RIF1: variants seen among roughly 807,000 people sequenced by gnomAD.
The protein encoded by RIF1 is replication timing regulatory factor 1, also known as telomere-associated protein RIF1.
A neutral mutation model predicts 247.1 loss-of-function variants in RIF1; 45 were observed. That is an observed-to-expected ratio of 0.18 (90% CI 0.14 to 0.23). The LOEUF (loss-of-function observed/expected upper bound fraction) is 0.23. Among genes scored for constraint, RIF1 ranks in the 10% least tolerant of loss-of-function variants. RIF1 has a pLI of 1.00. For missense variants in RIF1, 2,967 were observed against 2,862.5 expected (o/e 1.04, Z -0.83); for synonymous variants, 1,087 against 978.8 (o/e 1.11, Z -2.06).
At chr2:151,446,755 T>C (rs1275529982) in intron 20 of RIF1, among the ~76,000 whole-genome samples, 180 bp downstream of exon 20, 1 of 152,164 alleles carries the variant, frequency 6.6e-6, no homozygotes, top group African/African-American at 2.4e-5. Flanking sequence ...TAAGATTCAG[T>C]TTTGGGATCA....
At chr2:151,482,326 T>G (rs1444193974), downstream of RIF1, among the ~76,000 whole-genome samples, 1 of 152,210 alleles carries the variant, frequency 6.6e-6, no homozygotes, top group Non-Finnish European at 1.5e-5. Context: ...TTTCCCCTTT[T>G]ATGGCCTGCT....
At chr2:151,503,714 A>G (rs750685144) in intron 12 of RIF1, among the ~76,000 whole-genome samples, 2 of 152,228 alleles carry the variant, frequency 1.3e-5, no homozygotes, top group Non-Finnish European at 2.9e-5. Context: ...AAATTTACCA[A>G]TGAGAAAAAT....
At chr2:151,512,834 T>G (rs1240595289), downstream of RIF1, 2 of 1,605,266 alleles carry the variant, frequency 1.2e-6, no homozygotes. Context: ...TGCTTATACT[T>G]AATCTGTAAA....
chr2:151,497,142 A>C, intron 10 of RIF1: 5 of 1,369,594 alleles, frequency 3.7e-6, no homozygotes, highest in Non-Finnish European at 5.0e-6. Flanking sequence ...ACAGTTGTCC[A>C]AGGAGCCAGA....
chr2:151,487,941 G>A (rs992786087), intron 9 of RIF1, among the ~76,000 whole-genome samples: 5 of 152,112 alleles, frequency 3.3e-5, no homozygotes, highest in African/African-American at 1.2e-4. Flanking sequence ...TAAAATGTTC[G>A]AATATGATAC....
Position 151,457,773 on chromosome 2 carries a change from C to T in RIF1, c.2665C>T (p.Leu889=), listed in dbSNP as rs1478384768. Residue 889 remains leucine (L), a synonymous_variant, in exon 24 of 36, where the codon CTG becomes TTG. Transcript: ENST00000444746. ...TCGTTTTTCCTAGTTAGAAAAGCTA[C>T]TGGGAGAAATTATTGCTTGTCTGCA... is the stretch of plus-strand genomic sequence containing the variant. ...SCLNNKLEKL[L]GEIIACLQFS... 1.9e-5 allele frequency: 30 copies of T among 1,613,402 alleles called. No homozygotes were observed. Among genetic ancestry groups the T allele is most frequent in the Non-Finnish European group, 2.4e-5 (28 of 1,179,744 alleles).
At position 151,455,049 on chromosome 2, in the gene RIF1, A is replaced by T. The variant is rs781498501; in HGVS notation, c.2499A>T (p.Ser833=). 6.2e-7 allele frequency: 1 copy of T among 1,609,614 alleles called. No individual in the cohort carries two copies. The highest frequency in any genetic ancestry group is 8.5e-7 in the Non-Finnish European group (1 of 1,175,954). ...ATACCCTCTTCACTATTGGCAACTC[A>T]ATCACCGGCATTATTTCCAGTGTAC... is the stretch of plus-strand genomic sequence containing the variant. ...HSDTLFTIGN[S]ITGIISSVLG... Residue 833 remains serine (S), a synonymous_variant, in exon 22 of 36, where the codon TCA becomes TCT. Transcript: ENST00000444746.
At chr2:151,497,442 G>GTA in intron 10 of RIF1, 1 of 980,868 alleles carries the variant, frequency 1.0e-6, no homozygotes, top group Non-Finnish European at 1.2e-6. Context: ...GAAATTAACT[G>GTA]TATTATAGAA....
chr2:151,489,659 A>C (rs2152752793), intron 9 of RIF1, among the ~76,000 whole-genome samples: 1 of 152,274 alleles, frequency 6.6e-6, no homozygotes, highest in South Asian at 2.1e-4. Flanking sequence ...AGCGTCCCAA[A>C]GTGCTGGCAT....
chr2:151,420,601 G>A (rs1458584462), intron 7 of RIF1, among the ~76,000 whole-genome samples: 2 of 151,990 alleles, frequency 1.3e-5, no homozygotes, highest in African/African-American at 4.8e-5. Context: ...GCTGGGCGTG[G>A]TGGCATGCGC....
chr2:151,519,047 T>C, the RIF1 span: 2 of 1,612,948 alleles, frequency 1.2e-6, no homozygotes, highest in Non-Finnish European at 1.7e-6. Flanking sequence ...GTGAAGTTTC[T>C]TCAGGTCAGC....
intron 3 of RIF1, 50 bp downstream of exon 3, chr2:151,411,388 TTTTTTTGGTTTTG>T (rs1686185082): frequency 2.4e-6 from 3 of 1,268,958 alleles, no homozygotes; most frequent in Non-Finnish European, 3.4e-6. Context: ...GTTTGGTTTT[TTTTTTTGGTTTTG>T]TTTTTTTGTT....
At chr2:151,472,635 GT>G (rs1246717950) in intron 34 of RIF1, among the ~76,000 whole-genome samples, 1 of 152,154 alleles carries the variant, frequency 6.6e-6, no homozygotes, top group African/African-American at 2.4e-5. Context: ...TAATCATGTG[GT>G]TTTGGTCTTT....
chr2:151,507,103 C>G, intron 13 of RIF1: 1 of 809,806 alleles, frequency 1.2e-6, no homozygotes, highest in South Asian at 1.6e-5. Context: ...AATTAAAATC[C>G]TGTATCTTTA....
chr2:151,489,849 AAG>A (rs1200085792), intron 9 of RIF1: 12 of 596,332 alleles, frequency 2.0e-5, no homozygotes, highest in Admixed American at 1.4e-4. Context: ...CATGTAATAA[AAG>A]AGCATTATAT....
chr2:151,463,458 A>G lies in RIF1; in HGVS notation c.3938A>G (p.Asn1313Ser). 2 of 1,614,054 alleles carry G rather than the reference A, an allele frequency of 1.2e-6. No individual in the cohort carries two copies. The highest frequency in any genetic ancestry group is 8.5e-7 in the Non-Finnish European group (1 of 1,179,960). ...KPLMRSEPEK[N>S]TEESVEGIVV... is the part of the protein sequence containing the mutation. Reference sequence around the variant, plus strand: ...TTAATGAGATCTGAGCCGGAGAAAAATACTGAGGAATCTGTTGAAGGCATT... The same window carrying G: ...TTAATGAGATCTGAGCCGGAGAAAAGTACTGAGGAATCTGTTGAAGGCATT... Residue 1313 changes from asparagine (N) to serine (S), a missense_variant, in exon 30 of 36, where the codon AAT (asparagine) becomes AGT (serine). Asn to Ser is a conservative substitution (Grantham distance 46). Transcript: ENST00000444746.
chr2:151,450,107 G>T (rs1694031752), intron 20 of RIF1, among the ~76,000 whole-genome samples: 1 of 151,992 alleles, frequency 6.6e-6, no homozygotes, highest in African/African-American at 2.4e-5. Context: ...CTCCCAAAGT[G>T]CTGGGATTAC....
intron 2 of RIF1, among the ~76,000 whole-genome samples, chr2:151,411,046 C>T (rs1207849386): frequency 6.6e-6 from 1 of 152,150 alleles, no homozygotes; most frequent in Admixed American, 6.5e-5. Flanking sequence ...CTTGCATGTA[C>T]TCGATGTAAA....
the RIF1 span, among the ~76,000 whole-genome samples, chr2:151,521,921 G>A: frequency 6.6e-6 from 1 of 152,148 alleles, no homozygotes; most frequent in African/African-American, 2.4e-5. Flanking sequence ...ACATGTACCA[G>A]GTTTAGGACT....
Sources: allele counts gnomAD v4.1 joint callset (sites outside exome capture counted in the v4.1 genomes callset), GRCh38; gene constraint gnomAD v4.1.1; transcripts MANE v1.5; gene names NCBI Gene and HGNC (gene_info 2026-07-23, HGNC 2026-07-21).